The following IL20RA variants were observed in gnomAD, a reference collection of about 807,000 sequenced individuals.
IL20RA encodes interleukin 20 receptor subunit alpha, also known as interleukin-20 receptor subunit alpha.
A neutral mutation model predicts 36.5 loss-of-function variants in IL20RA; 29 were observed. That is an observed-to-expected ratio of 0.79 (90% CI 0.59 to 1.08). The LOEUF is 1.08. IL20RA is among the 50% of genes least tolerant of loss of function. The pLI is 0.00. For synonymous variants in IL20RA, 279 were observed against 267.1 expected, an observed-to-expected ratio of 1.04 and a Z score of -0.43; for missense variants, 652 against 668.4, an observed-to-expected ratio of 0.98 and a Z score of 0.27.
chr6:137,001,655 T>C lies in IL20RA; in HGVS notation c.1565A>G (p.Tyr522Cys), dbSNP rs1775037596. Residue 522 changes from tyrosine to cysteine, a missense_variant, in exon 7 of 7, where the codon TAT (tyrosine) becomes TGT (cysteine). By Grantham distance (194) the Tyr-to-Cys change is radical. Transcript: ENST00000316649. ...LGEEGLLSRL[Y>C]EEPAPDRPPG... ...TGGCCTGTCTGGAGCCGGCTCCTCA[T>C]AGAGTCTAGATAGAAGACCCTCCTC... The C allele has an allele frequency of 5.6e-6, 9 of 1,614,010 alleles. No individual in the cohort carries two copies. The highest frequency in any genetic ancestry group is 6.8e-6 in the Non-Finnish European group (8 of 1,179,946).
chr6:137,029,493 T>G (rs1400882710), intron 1 of IL20RA, among the ~76,000 whole-genome samples: 1 of 151,856 alleles, frequency 6.6e-6, no homozygotes, highest in Non-Finnish European at 1.5e-5. Flanking sequence ...GGCAACAGAG[T>G]GAGACTGTGT....
chr6:137,018,513 C>CGTGTGTGTGTGTGT (rs3842115), intron 1 of IL20RA, among the ~76,000 whole-genome samples: 4 of 142,816 alleles, frequency 2.8e-5, no homozygotes, highest in East Asian at 2.1e-4. Flanking sequence ...CTGCCGTGTG[C>CGTGTGTGTGTGTGT]GTGTGTGTGT....
chr6:137,015,241 C>T (rs1208914311), intron 2 of IL20RA, among the ~76,000 whole-genome samples: 1 of 152,166 alleles, frequency 6.6e-6, no homozygotes, highest in Non-Finnish European at 1.5e-5. Context: ...TCAACCATTA[C>T]TATCACTTAG....
At chr6:137,011,188 TG>T in intron 3 of IL20RA, 85 bp downstream of exon 3, 1 of 1,137,788 alleles carries the variant, frequency 8.8e-7, no homozygotes, top group East Asian at 2.4e-5. Flanking sequence ...TACCTTCCTC[TG>T]GGCAAGGCTG....
intron 2 of IL20RA, among the ~76,000 whole-genome samples, chr6:137,014,334 T>C (rs1266135767): frequency 2.6e-5 from 4 of 152,192 alleles, no homozygotes; most frequent in Admixed American, 1.3e-4. Context: ...CTAAAACCCA[T>C]TACCCTGGAA....
At chr6:137,020,687 T>A (rs953153688) in intron 1 of IL20RA, among the ~76,000 whole-genome samples, 10 of 152,138 alleles carry the variant, frequency 6.6e-5, no homozygotes, top group African/African-American at 1.7e-4. Context: ...AATTTTTTTT[T>A]AAAAAACAAA....
intron 1 of IL20RA, among the ~76,000 whole-genome samples, chr6:137,020,168 AG>A (rs1484490236): frequency 2.4e-4 from 36 of 152,336 alleles, no homozygotes; most frequent in African/African-American, 8.7e-4. Context: ...AAAGTAACTG[AG>A]GCTTCCCAAA....
chr6:137,026,648 T>C (rs1776097404), intron 1 of IL20RA, among the ~76,000 whole-genome samples: 1 of 152,202 alleles, frequency 6.6e-6, no homozygotes, highest in African/African-American at 2.4e-5. Context: ...CACCAGGGGA[T>C]GATTGACTAA....
intron 5 of IL20RA, among the ~76,000 whole-genome samples, chr6:137,006,286 A>T (rs1775275609): frequency 6.6e-6 from 1 of 152,220 alleles, no homozygotes; most frequent in Non-Finnish European, 1.5e-5. Flanking sequence ...GTTACCCTGC[A>T]CAATTCCCAA....
chr6:137,044,434 A>T (rs1776822842), intron 1 of IL20RA: 1 of 897,848 alleles, frequency 1.1e-6, no homozygotes, highest in Non-Finnish European at 1.4e-6. Context: ...CCCCGAGCCA[A>T]GGTGCGCGAG....
At chr6:137,005,733 G>A (rs1223556599) in intron 5 of IL20RA, among the ~76,000 whole-genome samples, 1 of 152,018 alleles carries the variant, frequency 6.6e-6, no homozygotes, top group South Asian at 2.1e-4. Context: ...TACCTATAAT[G>A]TGGGTGAGTC....
intron 1 of IL20RA, among the ~76,000 whole-genome samples, chr6:137,038,723 T>G (rs1776576926): frequency 1.3e-5 from 2 of 151,610 alleles, no homozygotes; most frequent in African/African-American, 4.9e-5. Flanking sequence ...CAGATGATCA[T>G]TTTTTTTAAA....
At chr6:137,008,578 C>T in intron 5 of IL20RA, 21 bp downstream of exon 5, 1 of 1,574,946 alleles carries the variant, frequency 6.3e-7, no homozygotes, top group Non-Finnish European at 8.6e-7. Context: ...CCTAGACCAG[C>T]AAAGATTTTT....
chr6:137,009,594 C>CTTTTTT (rs3041892), intron 3 of IL20RA, 102 bp from the exon 4 acceptor site: 1 of 331,766 alleles, frequency 3.0e-6, no homozygotes, highest in African/African-American at 5.2e-5. Flanking sequence ...AAAAGACATC[C>CTTTTTT]TTTTTTTTTT....
chr6:137,035,036 C>A (rs987819643), intron 1 of IL20RA, among the ~76,000 whole-genome samples: 2 of 151,906 alleles, frequency 1.3e-5, no homozygotes, highest in African/African-American at 4.8e-5. Context: ...CCAGCTTCAT[C>A]CATGTCCCTG....
chr6:137,029,674 G>A (rs577611405), intron 1 of IL20RA, among the ~76,000 whole-genome samples: 55 of 152,166 alleles, frequency 3.6e-4, no homozygotes, highest in African/African-American at 1.1e-3. Flanking sequence ...TGCATAGGAA[G>A]GGAAAATATA....
At chr6:137,019,890 T>C (rs1193102980) in intron 1 of IL20RA, among the ~76,000 whole-genome samples, 1 of 152,214 alleles carries the variant, frequency 6.6e-6, no homozygotes, top group African/African-American at 2.4e-5. Context: ...ACATTATGGG[T>C]AAATCTTATC....
intron 1 of IL20RA, among the ~76,000 whole-genome samples, chr6:137,043,755 G>T (rs1776793934): frequency 1.3e-5 from 2 of 152,100 alleles, no homozygotes; most frequent in African/African-American, 4.8e-5. Flanking sequence ...TGTCTACAAA[G>T]CACAGTATTT....
At chr6:137,003,539 C>T (rs1334182024) in intron 6 of IL20RA, among the ~76,000 whole-genome samples, 1 of 152,166 alleles carries the variant, frequency 6.6e-6, no homozygotes, top group African/African-American at 2.4e-5. Context: ...CTTGAATCTT[C>T]TCTCCCCTGG....
Sources: allele counts gnomAD v4.1 joint callset (sites outside exome capture counted in the v4.1 genomes callset), GRCh38; gene constraint gnomAD v4.1.1; transcripts MANE v1.5; gene names NCBI Gene and HGNC (gene_info 2026-07-23, HGNC 2026-07-21).